The following HDAC9 variants were observed in gnomAD, a reference collection of about 807,000 sequenced individuals.
HDAC9 encodes histone deacetylase 9, also known as MEF-2 interacting transcription repressor (MITR) protein.
In HDAC9, 41 loss-of-function variants were observed where a neutral mutation model predicts 139.4. That is an observed-to-expected ratio of 0.29 (90% CI 0.23 to 0.38). The LOEUF (loss-of-function observed/expected upper bound fraction) is 0.38, where lower values mean the gene tolerates loss of function less well. Among genes scored for constraint, HDAC9 ranks in the 10% least tolerant of loss-of-function variants. HDAC9 has a pLI of 1.00. For missense variants in HDAC9, 1,147 were observed against 1,297.0 expected (o/e 0.88, Z 1.78); for synonymous variants, 517 against 476.2 (o/e 1.09, Z -1.12).
At chr7:18,924,453 A>G (rs12700014) in intron 22 of HDAC9, among the ~76,000 whole-genome samples, 66,511 of 151,830 alleles carry the variant, frequency 0.44, 15,072 homozygotes, top group Non-Finnish European at 0.48. Context: ...GAAAAATAAG[A>G]AGTCATCAGT....
chr7:18,583,639 A>G (rs1367708869), intron 2 of HDAC9, among the ~76,000 whole-genome samples: 1 of 151,992 alleles, frequency 6.6e-6, no homozygotes, highest in Non-Finnish European at 1.5e-5. Flanking sequence ...CTAAAGTCCC[A>G]GATACTTGGG....
intron 2 of HDAC9, among the ~76,000 whole-genome samples, chr7:18,223,195 T>C (rs1243400205): frequency 7.2e-5 from 11 of 152,170 alleles, no homozygotes; most frequent in Non-Finnish European, 1.5e-4. Flanking sequence ...TTGTTTTTTC[T>C]AGTAATTTAA....
At chr7:18,365,945 T>G (rs2128695234) in intron 1 of HDAC9, among the ~76,000 whole-genome samples, 1 of 135,724 alleles carries the variant, frequency 7.4e-6, no homozygotes, top group East Asian at 2.3e-4. Flanking sequence ...TAGTGTTGTT[T>G]TCAGTTGTTT....
chr7:18,215,759 C>A (rs1047912031), intron 2 of HDAC9, among the ~76,000 whole-genome samples: 27 of 152,090 alleles, frequency 1.8e-4, no homozygotes, highest in African/African-American at 6.5e-4. Context: ...TCATGGGGGT[C>A]TTTCTTGCCT....
At chr7:18,982,027 T>G (rs530313073) in intron 25 of HDAC9, among the ~76,000 whole-genome samples, 3 of 151,830 alleles carry the variant, frequency 2.0e-5, no homozygotes, top group African/African-American at 4.8e-5. Flanking sequence ...AGAATCAGGG[T>G]GGAAGAATGT....
chr7:18,875,268 G>GTA (rs373329623), intron 22 of HDAC9, among the ~76,000 whole-genome samples: 21 of 151,862 alleles, frequency 1.4e-4, no homozygotes, highest in East Asian at 1.9e-4. Flanking sequence ...GGGAAAAAAG[G>GTA]TATATATATA....
chr7:18,968,533 A>G (rs903275587), intron 24 of HDAC9, among the ~76,000 whole-genome samples: 1 of 152,190 alleles, frequency 6.6e-6, no homozygotes, highest in Admixed American at 6.5e-5. Flanking sequence ...GCAGGCAATG[A>G]AGAAACAAAA....
intron 16 of HDAC9, among the ~76,000 whole-genome samples, chr7:18,792,262 T>A (rs1315476737): frequency 4.0e-5 from 6 of 149,816 alleles, no homozygotes; most frequent in African/African-American, 1.5e-4. Context: ...ATTCTCTTTT[T>A]TTTTTAAAAA....
At chr7:18,718,714 A>T (rs1027383967) in intron 12 of HDAC9, among the ~76,000 whole-genome samples, 2 of 152,154 alleles carry the variant, frequency 1.3e-5, no homozygotes, top group African/African-American at 4.8e-5. Flanking sequence ...GGCTTTCACG[A>T]ATAGTGCTGC....
In HDAC9 at chr7:18,547,861, C is replaced by CCTTCCTTCCTTCCT. The variant is rs1563230225; in HGVS notation, c.23-37420_23-37419insCTTCCTTCCTTCCT. Among the ~76,000 whole-genome samples, 27 of 21,010 alleles carry CCTTCCTTCCTTCCT rather than the reference C, an allele frequency of 1.3e-3. 1 individual carries two copies. Among genetic ancestry groups the CCTTCCTTCCTTCCT allele is most frequent in the African/African-American group, 2.4e-3 (23 of 9,412 alleles). 13.8% of individuals were successfully genotyped at this position (21,010 alleles called of 152,430 possible). A position where few individuals can be genotyped will look rare whatever the true frequency, so the allele number is the denominator to read the frequency against. ...CTTCCTTCCTTCCTTCCTTCCTACC[C>CCTTCCTTCCTTCCT]TCCCTCCCTCCCTCCCTCCCTCTCT... is the stretch of plus-strand genomic sequence containing the variant. On this transcript the variant is annotated intron_variant, in intron 2 of 25. Coordinates refer to ENST00000686413, the MANE Select transcript of HDAC9 (RefSeq NM_178425.4).
chr7:18,326,320 G>GT (rs1404925453), intron 1 of HDAC9, among the ~76,000 whole-genome samples: 5 of 151,966 alleles, frequency 3.3e-5, no homozygotes, highest in South Asian at 4.1e-4. Flanking sequence ...AAAAGAAAGT[G>GT]TTTTTTTATA....
At chr7:18,846,128 T>C (rs1355476810) in intron 21 of HDAC9, among the ~76,000 whole-genome samples, 1 of 152,202 alleles carries the variant, frequency 6.6e-6, no homozygotes, top group African/African-American at 2.4e-5. Flanking sequence ...TGAATATAAA[T>C]TAGGTCTGGG....
In HDAC9 at chr7:18,461,123, T is replaced by A. The variant is rs900211192; in HGVS notation, c.-41-35139T>A. Among the ~76,000 whole-genome samples, 17 of 152,176 alleles carry A rather than the reference T, an allele frequency of 1.1e-4. 1 individual carries two copies. Among genetic ancestry groups the A allele is most frequent in the African/African-American group, 3.9e-4 (16 of 41,448 alleles). On this transcript the variant is annotated intron_variant, in intron 1 of 3. Transcript: ENST00000413509. ...TTGCGTATGTGTACGTGTGCATGCG[T>A]ATACATACATACACACATATATTTC...
In HDAC9 at chr7:18,866,540, C is replaced by T. The variant is rs569279863; in HGVS notation, c.2685-7938C>T. Among the ~76,000 whole-genome samples, 3 of 152,288 alleles carry T rather than the reference C, an allele frequency of 2.0e-5. No homozygotes were observed. The East Asian group carries it at 5.8e-4, about 29-fold the overall frequency. ...GTTTGTTTTCCACCTGCCTTTCCTTCTAACCTATGACCTTTTTGAAGGCAG... is the reference window on the plus strand; with the variant it reads ...GTTTGTTTTCCACCTGCCTTTCCTTTTAACCTATGACCTTTTTGAAGGCAG... On this transcript the variant is annotated intron_variant, in intron 21 of 25. Transcript: ENST00000686413.
intron 1 of HDAC9, among the ~76,000 whole-genome samples, chr7:18,157,422 G>T (rs1288107758): frequency 6.6e-6 from 1 of 152,140 alleles, no homozygotes; most frequent in African/African-American, 2.4e-5. Context: ...CAACTAAGGA[G>T]CTGTGTGTCA....
chr7:18,735,045 G>A (rs1330013766), intron 13 of HDAC9, among the ~76,000 whole-genome samples: 1 of 152,218 alleles, frequency 6.6e-6, no homozygotes, highest in Non-Finnish European at 1.5e-5. Context: ...CTTTTGAGAA[G>A]TGTCTGTTCA....
chr7:18,586,672 A>G (rs1716354282), intron 3 of HDAC9, among the ~76,000 whole-genome samples: 1 of 152,066 alleles, frequency 6.6e-6, no homozygotes, highest in Non-Finnish European at 1.5e-5. Context: ...GAACTTTATT[A>G]TCGTATATTC....
chr7:18,836,939 G>T (rs1250035530), intron 21 of HDAC9, among the ~76,000 whole-genome samples: 1 of 151,980 alleles, frequency 6.6e-6, no homozygotes, highest in African/African-American at 2.4e-5. Context: ...AAGTTCCCAT[G>T]AAGAAAATCC....
intron 1 of HDAC9, among the ~76,000 whole-genome samples, chr7:18,466,710 C>G (rs1302452117): frequency 6.6e-6 from 1 of 152,210 alleles, no homozygotes; most frequent in South Asian, 2.1e-4. Flanking sequence ...TTAATTCCAT[C>G]TGCAATCTTA....
Sources: allele counts gnomAD v4.1 joint callset (sites outside exome capture counted in the v4.1 genomes callset), GRCh38; gene constraint gnomAD v4.1.1; transcripts MANE v1.5; gene names NCBI Gene and HGNC (gene_info 2026-07-23, HGNC 2026-07-21).